CNTNAP2: variants seen among roughly 807,000 people sequenced by gnomAD.
The protein encoded by CNTNAP2 is contactin-associated protein-like 2.
A neutral mutation model predicts 155.2 loss-of-function variants in CNTNAP2; 98 were observed. That is an observed-to-expected ratio of 0.63 (90% confidence interval 0.54 to 0.75). The LOEUF (loss-of-function observed/expected upper bound fraction) is 0.75. CNTNAP2 is among the 30% of genes least tolerant of loss of function. CNTNAP2 has a pLI of 0.00. For missense variants in CNTNAP2, 1,727 were observed against 1,688.1 expected (o/e 1.02, Z -0.40); for synonymous variants, 651 against 631.2 (o/e 1.03, Z -0.47).
intron 1 of CNTNAP2, among the ~76,000 whole-genome samples, chr7:146,761,026 G>A (rs956881390): frequency 6.6e-6 from 1 of 152,104 alleles, no homozygotes; most frequent in Non-Finnish European, 1.5e-5. Context: ...GCCAAACAGG[G>A]TCAAATGAAT....
chr7:147,583,984 T>G (rs1057260661), intron 12 of CNTNAP2, among the ~76,000 whole-genome samples: 13 of 152,168 alleles, frequency 8.5e-5, no homozygotes, highest in African/African-American at 2.7e-4. Flanking sequence ...AGGAAAGTTC[T>G]GGAGACAATA....
At chr7:147,433,266 T>C (rs1303650286) in intron 10 of CNTNAP2, among the ~76,000 whole-genome samples, 2 of 152,218 alleles carry the variant, frequency 1.3e-5, no homozygotes, top group Non-Finnish European at 2.9e-5. Context: ...TTTGCATTCA[T>C]TTTAAGACAA....
intron 1 of CNTNAP2, among the ~76,000 whole-genome samples, chr7:146,614,411 T>G (rs762943648): frequency 1.3e-5 from 2 of 152,078 alleles, no homozygotes; most frequent in Non-Finnish European, 2.9e-5. Flanking sequence ...TTTAGAAAAT[T>G]TTTCAACCTG....
intron 9 of CNTNAP2, among the ~76,000 whole-genome samples, chr7:147,303,769 G>A (rs1209300167): frequency 1.3e-5 from 2 of 152,144 alleles, no homozygotes; most frequent in Admixed American, 6.5e-5. Flanking sequence ...CTGACCCTAG[G>A]AAATGCTAAA....
At chr7:147,349,335 T>C (rs1563170170) in intron 9 of CNTNAP2, among the ~76,000 whole-genome samples, 1 of 151,912 alleles carries the variant, frequency 6.6e-6, no homozygotes, top group Admixed American at 6.6e-5. Context: ...AGCTTAAATA[T>C]GAAGGGACCT....
intron 15 of CNTNAP2, among the ~76,000 whole-genome samples, chr7:148,031,640 A>T (rs1043455356): frequency 6.6e-6 from 1 of 152,210 alleles, no homozygotes. Context: ...AGCATCCAGT[A>T]GATACAGAAA....
intron 9 of CNTNAP2, among the ~76,000 whole-genome samples, chr7:147,357,104 T>C (rs1796076640): frequency 6.6e-6 from 1 of 152,138 alleles, no homozygotes. Context: ...GTGGATGACC[T>C]CAGCGAATCT....
chr7:147,023,435 A>T (rs764166227), intron 3 of CNTNAP2, among the ~76,000 whole-genome samples: 2 of 152,184 alleles, frequency 1.3e-5, no homozygotes, highest in Non-Finnish European at 2.9e-5. Flanking sequence ...GATGCCGTGT[A>T]TCCTTTTTAT....
At chr7:148,249,391 C>T (rs1373906562) in intron 20 of CNTNAP2, among the ~76,000 whole-genome samples, 1 of 152,186 alleles carries the variant, frequency 6.6e-6, no homozygotes, top group African/African-American at 2.4e-5. Flanking sequence ...CTGTTTCTCT[C>T]CTTCCTGACC....
chr7:147,110,752 C>T (rs1800860218), intron 5 of CNTNAP2, among the ~76,000 whole-genome samples: 1 of 152,184 alleles, frequency 6.6e-6, no homozygotes, highest in African/African-American at 2.4e-5. Context: ...ATATGTACCA[C>T]ATTTTCTTTA....
chr7:146,375,725 A>G (rs6973797), intron 1 of CNTNAP2, among the ~76,000 whole-genome samples: 19,752 of 152,250 alleles, frequency 0.13, 3,302 homozygotes, highest in African/African-American at 0.38. Context: ...TAAGTCAGTT[A>G]TTTAAACATA....
intron 9 of CNTNAP2, among the ~76,000 whole-genome samples, chr7:147,317,774 A>ATGTG (rs1338098691): frequency 4.9e-4 from 50 of 102,506 alleles, no homozygotes; most frequent in African/African-American, 2.1e-3. Flanking sequence ...ATATATATAT[A>ATGTG]TATGTGTGTG....
chr7:147,931,299 A>G (rs1800499394), intron 14 of CNTNAP2, among the ~76,000 whole-genome samples: 4 of 149,062 alleles, frequency 2.7e-5, no homozygotes, highest in Middle Eastern at 3.4e-3. Flanking sequence ...ACTCAAATAA[A>G]TAAAATAAAA....
At chr7:147,987,067 G>A (rs1210193170) in intron 15 of CNTNAP2, among the ~76,000 whole-genome samples, 2 of 152,134 alleles carry the variant, frequency 1.3e-5, no homozygotes. Flanking sequence ...AGAAGCAGTA[G>A]TGGGTCTAAG....
chr7:147,103,448 T>A (rs987061925), intron 4 of CNTNAP2, among the ~76,000 whole-genome samples: 1 of 152,144 alleles, frequency 6.6e-6, no homozygotes, highest in African/African-American at 2.4e-5. Flanking sequence ...CTAGTATTTT[T>A]AAACTTCAGT....
chr7:148,307,548 C>T (rs773598413), intron 21 of CNTNAP2, among the ~76,000 whole-genome samples: 4 of 152,172 alleles, frequency 2.6e-5, no homozygotes, highest in Admixed American at 2.6e-4. Flanking sequence ...CTTACACCTT[C>T]GTATATCTTA....
At chr7:146,616,754 C>T (rs959525839) in intron 1 of CNTNAP2, among the ~76,000 whole-genome samples, 4 of 152,166 alleles carry the variant, frequency 2.6e-5, no homozygotes, top group African/African-American at 9.7e-5. Context: ...AACGCAGGCC[C>T]ATTCATTCAA....
chr7:148,349,405 C>T (rs62470631), intron 21 of CNTNAP2, among the ~76,000 whole-genome samples: 3,393 of 135,640 alleles, frequency 0.025, 167 homozygotes, highest in African/African-American at 0.048. Context: ...AAAAAAATCT[C>T]TCTTTTTTTT....
intron 1 of CNTNAP2, among the ~76,000 whole-genome samples, chr7:146,207,637 GT>G (rs57881187): frequency 0.47 from 57,099 of 122,214 alleles, 13,220 homozygotes; most frequent in East Asian, 0.65. Context: ...ACAGGACTGT[GT>G]TTTTTTTTTT....
Sources: allele counts gnomAD v4.1 joint callset (sites outside exome capture counted in the v4.1 genomes callset), GRCh38; gene constraint gnomAD v4.1.1; transcripts MANE v1.5; gene names NCBI Gene and HGNC (gene_info 2026-07-23, HGNC 2026-07-21).